The following COX7A2 variants were observed in gnomAD, a reference collection of about 807,000 sequenced individuals.
The protein encoded by COX7A2 is cytochrome c oxidase subunit 7A2.
A neutral mutation model predicts 11.6 loss-of-function variants in COX7A2; 11 were observed. The observed-to-expected ratio is 0.95, with a 90% confidence interval of 0.60 to 1.57. COX7A2 has a LOEUF of 1.57. COX7A2 is among the 40% of genes most tolerant of loss of function. The pLI, the probability that COX7A2 is intolerant of heterozygous loss-of-function variation, is 0.00. For synonymous variants in COX7A2, 30 were observed against 38.2 expected, an observed-to-expected ratio of 0.78 and a Z score of 0.79; for missense variants, 106 against 100.9, an observed-to-expected ratio of 1.05 and a Z score of -0.22.
chr6:75,247,973 A>G (rs4466226), upstream of COX7A2, among the ~76,000 whole-genome samples: 930 of 152,286 alleles, frequency 6.1e-3, 7 homozygotes, highest in African/African-American at 0.022. Flanking sequence ...ATCAACTAAG[A>G]GCCAGGCACT....
chr6:75,246,054 T>C (rs929746944), upstream of COX7A2, among the ~76,000 whole-genome samples: 1 of 152,188 alleles, frequency 6.6e-6, no homozygotes, highest in African/African-American at 2.4e-5. Context: ...TCTACATTCA[T>C]CCATTTTGTG....
upstream of COX7A2, among the ~76,000 whole-genome samples, chr6:75,244,965 C>T (rs1356080749): frequency 2.6e-5 from 4 of 152,158 alleles, no homozygotes; most frequent in African/African-American, 9.7e-5. Flanking sequence ...TACCACGTGC[C>T]AATAGCTAGG....
At chr6:75,242,818 C>CA (rs201938542) in intron 1 of COX7A2, among the ~76,000 whole-genome samples, 9 of 140,030 alleles carry the variant, frequency 6.4e-5, no homozygotes, top group South Asian at 2.4e-4. Flanking sequence ...GACTACGTCT[C>CA]AAAAAAAAAA....
chr6:75,243,639 G>A, intron 1 of COX7A2, 78 bp downstream of exon 1: 4 of 1,408,468 alleles, frequency 2.8e-6, no homozygotes, highest in Non-Finnish European at 3.0e-6. Context: ...TCCCAGGTGA[G>A]GGTTTTCTGT....
chr6:75,240,437 CAACT>C (rs751482184), intron 2 of COX7A2, 52 bp from the exon 3 acceptor site: 1 of 1,304,826 alleles, frequency 7.7e-7, no homozygotes, highest in Admixed American at 2.4e-5. Context: ...CACTCATTTC[CAACT>C]AAGTTTCAAA....
rs748530769 is a variant in COX7A2 at position 75,240,390 on chromosome 6, A to AT, written c.109-6dup. On this transcript the variant is annotated splice_polypyrimidine_tract_variant and splice_region_variant and intron_variant, in intron 2 of 3. Transcript: ENST00000684430. ...CAGTGGAATTTCATCATCCTCCTAGATTTAAAAAAAAAAAAAAAAGACAAT... is the reference window on the plus strand; with the variant it reads ...CAGTGGAATTTCATCATCCTCCTAGATTTTAAAAAAAAAAAAAAAAGACAAT... 6.0e-5 allele frequency: 77 copies of AT among 1,283,528 alleles called. No individual in the cohort carries two copies. The highest frequency in any genetic ancestry group is 1.9e-4 in the Middle Eastern group (1 of 5,192). 79.5% of individuals were successfully genotyped at this position (1,283,528 alleles called of 1,614,324 possible). A position where few individuals can be genotyped will look rare whatever the true frequency, so the allele number is the denominator to read the frequency against.
upstream of COX7A2, chr6:75,244,027 T>G (rs1359472108): frequency 3.9e-6 from 2 of 514,520 alleles, no homozygotes; most frequent in Non-Finnish European, 3.5e-6. Context: ...AGCAAACGAT[T>G]TATGAGACGA....
chr6:75,247,013 G>A (rs1353540245), upstream of COX7A2, among the ~76,000 whole-genome samples: 3 of 152,026 alleles, frequency 2.0e-5, no homozygotes, highest in Non-Finnish European at 4.4e-5. Context: ...TGGTTCTTTC[G>A]GAAAATACTT....
upstream of COX7A2, chr6:75,243,840 TA>T (rs1213671670): frequency 6.2e-6 from 10 of 1,612,958 alleles, no homozygotes; most frequent in Admixed American, 1.7e-5. Flanking sequence ...TTCACGAACT[TA>T]AATCTTTCCG....
Position 75,240,356 on chromosome 6 carries a change from C to G in COX7A2, c.138G>C (p.Lys46Asn). Residue 46 changes from lysine to asparagine, a missense_variant, in exon 3 of 4, where the codon AAG becomes AAC. Coordinates refer to ENST00000684430, the MANE Select transcript of COX7A2 (RefSeq NM_001366293.2). The stretch of plus-strand genomic sequence containing the variant: ...ACAGGAGGGCATCAGCTACCCCACC[C>G]TTTAGATACAGTGGAATTTCATCAT... ...QEDDEIPLYL[K>N]GGVADALLYR... is the part of the protein sequence containing the mutation. 1 of 1,594,030 alleles carries G rather than the reference C, an allele frequency of 6.3e-7. No homozygotes were observed. The highest frequency in any genetic ancestry group is 8.5e-7 in the Non-Finnish European group (1 of 1,171,238).
At chr6:75,246,640 A>G (rs1299017392), upstream of COX7A2, among the ~76,000 whole-genome samples, 4 of 152,220 alleles carry the variant, frequency 2.6e-5, no homozygotes, top group Non-Finnish European at 4.4e-5. Context: ...AAAATGCTCA[A>G]TATACATTGG....
chr6:75,240,296 C>T lies in COX7A2; in HGVS notation c.193+5G>A. Reference sequence around the variant, plus strand: ...ATAAACCTTCAAACATTCCAAAGGCCTTACCACCAACTGTAAGAATCATGG... The same window carrying T: ...ATAAACCTTCAAACATTCCAAAGGCTTTACCACCAACTGTAAGAATCATGG... On this transcript the variant is annotated splice_donor_5th_base_variant and intron_variant, in intron 3 of 3. Transcript: ENST00000684430. 6.2e-7 allele frequency: 1 copy of T among 1,604,136 alleles called. No homozygotes were observed. The highest frequency in any genetic ancestry group is 8.5e-7 in the Non-Finnish European group (1 of 1,173,070).
rs1771489953 is a variant in COX7A2 at position 75,241,177 on chromosome 6, T to C, written c.107A>G (p.Gln36Arg). The change falls in exon 2 of 4, where the codon CAG (glutamine) becomes CGG (arginine). Residue 36 changes from glutamine (Q) to arginine (R), a missense_variant and splice_region_variant. Transcript: ENST00000684430. ...ATCTCCTATAAAATACTTCAGTACC[T>C]GGAACAGTTTTTGCTTCTCCGGAAC... ...NKVPEKQKLF[Q>R]EDDEIPLYLK... 2.5e-6 allele frequency: 4 copies of C among 1,599,360 alleles called. No homozygotes were observed. Among genetic ancestry groups the C allele is most frequent in the Non-Finnish European group, 3.4e-6 (4 of 1,168,810 alleles).
At chr6:75,243,835 G>C (rs1389340383), upstream of COX7A2, 2 of 1,613,284 alleles carry the variant, frequency 1.2e-6, no homozygotes, top group East Asian at 4.5e-5. Context: ...ATGCATTCAC[G>C]AACTTAAATC....
intron 1 of COX7A2, 124 bp downstream of exon 1, chr6:75,243,593 A>G: frequency 1.2e-6 from 1 of 825,674 alleles, no homozygotes; most frequent in Non-Finnish European, 2.0e-6. Flanking sequence ...AAAGGACACG[A>G]ATCAAGGTGA....
At chr6:75,247,142 G>T (rs181578205), upstream of COX7A2, among the ~76,000 whole-genome samples, 110 of 152,312 alleles carry the variant, frequency 7.2e-4, no homozygotes, top group African/African-American at 2.4e-3. Flanking sequence ...CATCAGATGC[G>T]AAAGTACTAA....
rs778159357 is a variant in COX7A2, at chr6:75,237,965, G to T, written c.217C>A (p.Leu73Met). The T allele has an allele frequency of 5.0e-6, 8 of 1,604,712 alleles. No homozygotes were observed. The East Asian group carries it at 8.9e-5, about 18-fold the overall frequency. ...TTCTTGGGAAATGAAGCCACAGCCAGCTCATATATGGCATATGCTGTTCCT... is the reference window on the plus strand; with the variant it reads ...TTCTTGGGAAATGAAGCCACAGCCATCTCATATATGGCATATGCTGTTCCT... The part of the protein sequence containing the change: ...VGGTAYAIYE[L>M]AVASFPKKQE The change falls in exon 4 of 4, where the codon CTG (leucine) becomes ATG (methionine). Residue 73 changes from leucine (L) to methionine (M), a missense_variant. Transcript: ENST00000684430.
intron 3 of COX7A2, among the ~76,000 whole-genome samples, chr6:75,239,095 A>G (rs1242112702): frequency 2.6e-5 from 4 of 152,182 alleles, no homozygotes; most frequent in Non-Finnish European, 5.9e-5. Flanking sequence ...GATTACAGGC[A>G]TGAGCCACCA....
chr6:75,246,106 T>A (rs145816010), upstream of COX7A2, among the ~76,000 whole-genome samples: 2 of 152,340 alleles, frequency 1.3e-5, no homozygotes, highest in African/African-American at 4.8e-5. Flanking sequence ...TTCCTGTAGA[T>A]TGTATGAAGA....
Sources: allele counts gnomAD v4.1 joint callset (sites outside exome capture counted in the v4.1 genomes callset), GRCh38; gene constraint gnomAD v4.1.1; transcripts MANE v1.5; gene names NCBI Gene and HGNC (gene_info 2026-07-23, HGNC 2026-07-21).